The following NINJ2 variants were observed in gnomAD, a reference collection of about 807,000 sequenced individuals.
NINJ2 encodes the protein ninjurin-2.
NINJ2 carries 12 observed loss-of-function variants against 11.7 expected under a neutral mutation model. The ratio of observed to expected loss-of-function variants is 1.02; its 90% CI spans 0.66 to 1.66. The LOEUF (loss-of-function observed/expected upper bound fraction) is 1.66. Among genes scored for constraint, NINJ2 ranks in the 40% most tolerant of loss-of-function variants. The pLI, the probability that NINJ2 is intolerant of heterozygous loss-of-function variation, is 0.00. For missense variants in NINJ2, 187 were observed against 181.8 expected (o/e 1.03, Z -0.16); for synonymous variants, 93 against 76.8 (o/e 1.21, Z -1.10).
intron 1 of NINJ2, among the ~76,000 whole-genome samples, chr12:609,508 GCCTGTAAT>G (rs1460607435): frequency 2.3e-4 from 35 of 152,276 alleles, no homozygotes; most frequent in South Asian, 6.2e-4. Flanking sequence ...GGTGGCTCAC[GCCTGTAAT>G]CCCAGCACTT....
intron 1 of NINJ2, chr12:610,455 G>C (rs760552114): frequency 1.0e-4 from 153 of 1,534,764 alleles, no homozygotes; most frequent in Non-Finnish European, 1.3e-4. Context: ...AGGTCAGCCT[G>C]GTGGCTGAGA....
intron 1 of NINJ2, among the ~76,000 whole-genome samples, chr12:597,746 T>A (rs1000628109): frequency 6.6e-6 from 1 of 152,210 alleles, no homozygotes; most frequent in African/African-American, 2.4e-5. Flanking sequence ...GCGAATGTAT[T>A]AGTGGGAGTT....
intron 1 of NINJ2, among the ~76,000 whole-genome samples, chr12:583,259 T>G (rs2120842557): frequency 6.6e-6 from 1 of 152,358 alleles, no homozygotes; most frequent in South Asian, 2.1e-4. Flanking sequence ...GCAGGCATGC[T>G]AGTCCTGCCT....
chr12:626,359 G>C (rs553317244), intron 1 of NINJ2, among the ~76,000 whole-genome samples: 96 of 152,354 alleles, frequency 6.3e-4, no homozygotes, highest in Non-Finnish European at 1.1e-3. Flanking sequence ...TGGGAGCTAA[G>C]AGTTAGTATA....
intron 1 of NINJ2, among the ~76,000 whole-genome samples, chr12:652,491 G>A (rs1305028174): frequency 6.6e-6 from 1 of 152,132 alleles, no homozygotes; most frequent in African/African-American, 2.4e-5. Context: ...AGCTCTTGGG[G>A]AGGCCAAGGC....
In NINJ2 at chr12:591,847, G is replaced by A. The variant is rs1947720139; in HGVS notation, c.34-25669C>T. Among the ~76,000 whole-genome samples the A allele has an allele frequency of 6.6e-6, 1 of 152,080 alleles. No individual in the cohort carries two copies. The highest frequency in any genetic ancestry group is 2.4e-5 in the African/African-American group (1 of 41,328). ...CCTCATTAGAACAGGAAAGCCTTCT[G>A]AAAGAGTGACGTGGCCGGCGGCAGG... On this transcript the variant is annotated intron_variant, in intron 1 of 3. Transcript: ENST00000305108. This position sits in a 1 kb window ranked among gnomAD's most constrained non-coding sequence, Gnocchi z 5.0.
intron 1 of NINJ2, among the ~76,000 whole-genome samples, chr12:631,362 AT>A (rs949784913): frequency 2.6e-5 from 4 of 151,700 alleles, no homozygotes; most frequent in African/African-American, 9.7e-5. Context: ...TTAAATTTTT[AT>A]TTATTTATTT....
chr12:658,225 G>A (rs1469163406), intron 1 of NINJ2, among the ~76,000 whole-genome samples: 2 of 151,892 alleles, frequency 1.3e-5, no homozygotes. Flanking sequence ...GGCTGGTCTC[G>A]AACTCCTAAC....
At chr12:588,969 A>G (rs1334797812) in intron 1 of NINJ2, among the ~76,000 whole-genome samples, 1 of 151,998 alleles carries the variant, frequency 6.6e-6, no homozygotes, top group Non-Finnish European at 1.5e-5. Context: ...TTTTTTTTGG[A>G]GGACAATCTG....
rs367638501 is a variant in NINJ2, at chr12:650,343, G to T, written c.33+12985C>A. Reference sequence around the variant, plus strand: ...GTGATGTACCAGGTGATGTACCTGAGCTCAGGTGATGTACCGAAGTGCTAG... The same window carrying T: ...GTGATGTACCAGGTGATGTACCTGATCTCAGGTGATGTACCGAAGTGCTAG... On this transcript the variant is annotated intron_variant, in intron 1 of 3. Transcript: ENST00000305108. 2.3e-4 allele frequency among the ~76,000 whole-genome samples: 35 copies of T among 152,198 alleles called. 1 individual carries two copies. Among genetic ancestry groups the T allele is most frequent in the African/African-American group, 7.9e-4 (33 of 41,552 alleles).
chr12:619,163 A>C (rs567102364), intron 1 of NINJ2, among the ~76,000 whole-genome samples: 9 of 152,264 alleles, frequency 5.9e-5, no homozygotes, highest in African/African-American at 2.2e-4. Flanking sequence ...GGACCATTGG[A>C]TGGAGTCCAG....
intron 1 of NINJ2, among the ~76,000 whole-genome samples, chr12:577,344 T>A (rs1486458105): frequency 6.7e-6 from 1 of 149,276 alleles, no homozygotes; most frequent in African/African-American, 2.5e-5. Flanking sequence ...CATTTTGACT[T>A]ACAATATTTT....
intron 1 of NINJ2, among the ~76,000 whole-genome samples, chr12:641,995 T>C (rs1948423825): frequency 6.6e-6 from 1 of 152,188 alleles, no homozygotes; most frequent in Non-Finnish European, 1.5e-5. Flanking sequence ...CCTTTCGACA[T>C]GGTCCCGGCA....
intron 1 of NINJ2, among the ~76,000 whole-genome samples, chr12:575,886 C>T (rs1354866857): frequency 1.3e-5 from 2 of 152,128 alleles, no homozygotes; most frequent in Non-Finnish European, 2.9e-5. Flanking sequence ...TAGATCCTGC[C>T]TTTTCTCAGC....
chr12:577,448 T>TATATACATATATATGTATATA, intron 1 of NINJ2, among the ~76,000 whole-genome samples: 1 of 141,938 alleles, frequency 7.0e-6, no homozygotes, highest in Non-Finnish European at 1.5e-5. Flanking sequence ...TATATAAATA[T>TATATACATATATATGTATATA]TTTGGCACGA....
At chr12:660,684 G>A (rs1937946370) in intron 1 of NINJ2, among the ~76,000 whole-genome samples, 1 of 152,064 alleles carries the variant, frequency 6.6e-6, no homozygotes, top group East Asian at 1.9e-4. Flanking sequence ...AAGATGGCCA[G>A]CTATGGTGGC....
In NINJ2 at chr12:565,343, T is replaced by C. The variant is rs201387339; in HGVS notation, c.321A>G (p.Ala107=). The change falls in exon 3 of 4, where the codon GCA becomes GCG. Residue 107 remains alanine (A), a synonymous_variant. Coordinates refer to ENST00000305108, the MANE Select transcript of NINJ2 (RefSeq NM_016533.6). The stretch of plus-strand genomic sequence containing the variant: ...CAGTGAAGAAGACCAAGATGGTGGC[T>C]GCGTTGTTGAGCTGGTTGAGTCGCC... ...KQWRLNQLNN[A]ATILVFFTVV... The C allele has an allele frequency of 2.9e-5, 47 of 1,614,238 alleles. No homozygotes were observed. The East Asian group carries it at 1.0e-3, about 36-fold the overall frequency.
intron 1 of NINJ2, among the ~76,000 whole-genome samples, chr12:575,552 C>G (rs865905647): frequency 6.6e-6 from 1 of 152,122 alleles, no homozygotes; most frequent in Non-Finnish European, 1.5e-5. Context: ...GAAAGAAGGT[C>G]GCCTGCTCCC....
At chr12:577,438 T>TGTATATATATGTATAC (rs1555161806) in intron 1 of NINJ2, among the ~76,000 whole-genome samples, 1 of 141,002 alleles carries the variant, frequency 7.1e-6, no homozygotes, top group African/African-American at 2.6e-5. Flanking sequence ...TACATATATA[T>TGTATATATATGTATAC]ATATAAATAT....
Sources: gnomAD v4.1 joint callset for allele counts (sites outside exome capture counted in the v4.1 genomes callset) on GRCh38, gnomAD v4.1.1 for gene constraint, Gnocchi (gnomAD v3.1) non-coding constraint, MANE v1.5 for transcripts, NCBI Gene and HGNC (gene_info 2026-07-23, HGNC 2026-07-21) for gene names.